The following CCDC158 variants were observed in gnomAD, a reference collection of about 807,000 sequenced individuals.
The protein encoded by CCDC158 is coiled-coil domain containing 158.
A neutral mutation model predicts 138.6 loss-of-function variants in CCDC158; 116 were observed. The observed-to-expected ratio is 0.84, with a 90% CI of 0.72 to 0.98. The LOEUF (loss-of-function observed/expected upper bound fraction) is 0.98, where lower values mean the gene tolerates loss of function less well. Ranked by LOEUF, CCDC158 falls within the 50% of genes least tolerant of loss-of-function variation. The pLI is 0.00. For missense variants in CCDC158, 1,265 were observed against 1,306.1 expected (o/e 0.97, Z 0.48); for synonymous variants, 436 against 442.4 (o/e 0.99, Z 0.18).
chr4:76,321,648 C>T (rs1720014257), intron 24 of CCDC158, among the ~76,000 whole-genome samples: 1 of 145,908 alleles, frequency 6.9e-6, no homozygotes, highest in South Asian at 2.1e-4. Flanking sequence ...CCATTCTTCC[C>T]CCATATATAT....
chr4:76,401,181 G>A (rs1728350448), intron 3 of CCDC158: 1 of 317,824 alleles, frequency 3.1e-6, no homozygotes, highest in South Asian at 2.8e-5. Context: ...AGGAATAAAG[G>A]AGTGAGATGG....
chr4:76,387,492 G>A (rs1579051096), intron 4 of CCDC158, among the ~76,000 whole-genome samples: 1 of 151,936 alleles, frequency 6.6e-6, no homozygotes, highest in South Asian at 2.1e-4. Context: ...TTCGAGACCA[G>A]CCTGACCAAC....
Position 76,331,309 on chromosome 4 carries a change from G to A in CCDC158, c.2942+35C>T, listed in dbSNP as rs192439362. 5.7e-4 allele frequency: 903 copies of A among 1,570,952 alleles called. 6 individuals carry two copies. The African/African-American group carries it at 0.01, about 18-fold the overall frequency. ...GAATTAATAATGAACAGTCGTAAAA[G>A]GGACATTTTGAAAATGGGGGCTGGT... is the stretch of plus-strand genomic sequence containing the variant. On this transcript the variant is annotated intron_variant, in intron 21 of 24. Transcript: ENST00000682701.
chr4:76,397,217 A>G (rs1453414158), intron 3 of CCDC158, among the ~76,000 whole-genome samples: 12 of 152,068 alleles, frequency 7.9e-5, no homozygotes, highest in Admixed American at 3.3e-4. Flanking sequence ...TTTGGAAAAA[A>G]AAAACCCACC....
intron 18 of CCDC158, among the ~76,000 whole-genome samples, chr4:76,338,095 C>T (rs1976558): frequency 0.25 from 38,072 of 152,136 alleles, 5,893 homozygotes; most frequent in East Asian, 0.68. Context: ...TGCGAACCCT[C>T]TTGTGAACTG....
Position 76,328,901 on chromosome 4 carries a change from T to G in CCDC158, c.3009A>C (p.Ala1003=). ...DPSGCFTFTS[A]ASPSVKNSAS... ...TCTGTGCTTTCATTGGAAACTCACC[T>G]GCAGATGTGAATGTGAAGCAACCAG... is the stretch of plus-strand genomic sequence containing the variant. The change falls in exon 22 of 25, where the codon GCA becomes GCC. Residue 1003 remains alanine (A), a splice_region_variant and synonymous_variant. Coordinates refer to ENST00000682701, the MANE Select transcript of CCDC158 (RefSeq NM_001394954.1). 6.2e-7 allele frequency: 1 copy of G among 1,613,306 alleles called. No homozygotes were observed. Among genetic ancestry groups the G allele is most frequent in the South Asian group, 1.1e-5 (1 of 91,050 alleles).
chr4:76,362,296 TC>T lies in CCDC158; in HGVS notation c.1849del (p.Asp617MetfsTer11). Reference protein sequence around the residue: ...KELKILKDKKDAKIRELEARV... With the variant: ...KELKILKDKKXAKIRELEARV... ...GGCCTCAAGCTCCCGGATCTTTGCA[TC>T]TTTTTTATCTTTTAATATCTAAATA... On this transcript the variant is annotated frameshift_variant, in exon 13 of 25. Coordinates refer to ENST00000682701, the MANE Select transcript of CCDC158 (RefSeq NM_001394954.1). LOFTEE classifies it high-confidence loss of function. 1.2e-6 allele frequency: 2 copies of T among 1,611,684 alleles called. No homozygotes were observed. The highest frequency in any genetic ancestry group is 1.7e-4 in the Middle Eastern group (1 of 6,046).
Position 76,313,216 on chromosome 4 carries a change from TTTTCTTGA to T in CCDC158, c.3300_3307del (p.Asn1100LysfsTer31). On this transcript the variant is annotated frameshift_variant, in exon 25 of 25. Coordinates refer to ENST00000682701, the MANE Select transcript of CCDC158 (RefSeq NM_001394954.1). LOFTEE classifies it high-confidence loss of function. ...CTGGTCTTTTACTTTCTGTATCCTC[TTTTCTTGA>T]TTTCTGATCATTGAAGACATTGCTG... 1 of 1,608,400 alleles carries T rather than the reference TTTTCTTGA, an allele frequency of 6.2e-7. No individual in the cohort carries two copies. The highest frequency in any genetic ancestry group is 8.5e-7 in the Non-Finnish European group (1 of 1,176,782).
At chr4:76,375,694 T>C in intron 9 of CCDC158, 1 of 695,038 alleles carries the variant, frequency 1.4e-6, no homozygotes. Context: ...AGGGGAATTC[T>C]GGAGGTTCTC....
intron 9 of CCDC158, among the ~76,000 whole-genome samples, chr4:76,372,502 G>C (rs2110261200): frequency 6.6e-6 from 1 of 152,206 alleles, no homozygotes; most frequent in South Asian, 2.1e-4. Flanking sequence ...TAAATGAACT[G>C]TATTGTACTT....
intron 4 of CCDC158, among the ~76,000 whole-genome samples, chr4:76,384,874 T>C (rs1726643371): frequency 6.6e-6 from 1 of 152,194 alleles, no homozygotes; most frequent in African/African-American, 2.4e-5. Context: ...TGACCCCTTT[T>C]AATCCATTCT....
intron 11 of CCDC158, 117 bp from the exon 12 acceptor site, chr4:76,367,893 T>TA: frequency 4.9e-6 from 4 of 822,244 alleles, no homozygotes; most frequent in Non-Finnish European, 6.7e-6. Context: ...TTTAGTAAGA[T>TA]CTTTTTTTTT....
rs1478854266 is a variant in CCDC158 at position 76,381,905 on chromosome 4, T to A, written c.914+705A>T. Among the ~76,000 whole-genome samples the A allele has an allele frequency of 2.7e-5, 4 of 148,828 alleles. No homozygotes were observed. The East Asian group carries it at 7.7e-4, about 29-fold the overall frequency. On this transcript the variant is annotated intron_variant, in intron 8 of 24. Transcript: ENST00000682701. ...ACCGTGTTAGCCAGGATGCTCTCGA[T>A]CTCCTGACCTCGTGATCTGCCCGCC...
intron 22 of CCDC158, among the ~76,000 whole-genome samples, chr4:76,328,064 A>C (rs1242321710): frequency 6.6e-6 from 1 of 152,002 alleles, no homozygotes; most frequent in African/African-American, 2.4e-5. Flanking sequence ...TGATGTTTTT[A>C]ATCTTTCTCT....
chr4:76,404,416 A>C (rs1728652878), intron 2 of CCDC158, among the ~76,000 whole-genome samples: 2 of 152,202 alleles, frequency 1.3e-5, no homozygotes, highest in Admixed American at 6.5e-5. Context: ...ACTGAAACAT[A>C]ATACTCCAAA....
intron 18 of CCDC158, among the ~76,000 whole-genome samples, chr4:76,342,746 C>A (rs752308346): frequency 2.0e-5 from 3 of 152,106 alleles, no homozygotes; most frequent in Non-Finnish European, 4.4e-5. Context: ...TGGGAGATGG[C>A]AGGCATATGG....
rs1725654010 is a variant in CCDC158, at chr4:76,375,684, A to G, written c.1029+3606T>C. 4.3e-6 allele frequency: 3 copies of G among 698,766 alleles called. No individual in the cohort carries two copies. In the East Asian group the frequency reaches 8.1e-5, roughly 19 times the overall value. The allele number at this position is 698,766 out of a possible 1,614,324, so 43.3% of individuals were successfully genotyped here. On this transcript the variant is annotated intron_variant, in intron 9 of 24. Transcript: ENST00000682701. The stretch of plus-strand genomic sequence containing the variant: ...AGCTTCTACTGGTCCAAATTCGTAA[A>G]GGGGAATTCTGGAGGTTCTCCTAAA...
At chr4:76,316,810 C>T (rs752536892) in intron 24 of CCDC158, among the ~76,000 whole-genome samples, 1 of 150,870 alleles carries the variant, frequency 6.6e-6, no homozygotes, top group Non-Finnish European at 1.5e-5. Flanking sequence ...ATATTTTTAG[C>T]CTCCTCAAAC....
chr4:76,408,190 A>AT (rs1443021917), intron 2 of CCDC158, among the ~76,000 whole-genome samples: 31 of 149,194 alleles, frequency 2.1e-4, no homozygotes, highest in African/African-American at 6.5e-4. Context: ...ATATATATAT[A>AT]TATTTTTTTA....
Sources: allele counts gnomAD v4.1 joint callset (sites outside exome capture counted in the v4.1 genomes callset), GRCh38; gene constraint gnomAD v4.1.1; transcripts MANE v1.5; gene names NCBI Gene and HGNC (gene_info 2026-07-23, HGNC 2026-07-21).